The following PKNOX2 variants were observed in gnomAD, a reference collection of about 807,000 sequenced individuals.
PKNOX2 encodes the protein homeobox protein PKNOX2.
In PKNOX2, 14 loss-of-function variants were observed where a neutral mutation model predicts 53.1. The ratio of observed to expected loss-of-function variants is 0.26; its 90% CI spans 0.17 to 0.41. PKNOX2 has a LOEUF of 0.41. PKNOX2 is among the 10% of genes least tolerant of loss of function. The pLI, the probability that PKNOX2 is intolerant of heterozygous loss-of-function variation, is 1.00. For synonymous variants in PKNOX2, 257 were observed against 242.8 expected, an observed-to-expected ratio of 1.06 and a Z score of -0.54; for missense variants, 496 against 602.8, an observed-to-expected ratio of 0.82 and a Z score of 1.85.
intron 1 of PKNOX2, chr11:125,191,253 C>T (rs1197610292): frequency 2.6e-5 from 4 of 152,292 alleles, no homozygotes; most frequent in African/African-American, 9.6e-5. Context: ...AGGCAGGATT[C>T]AAGAACAGAT....
intron 2 of PKNOX2, among the ~76,000 whole-genome samples, chr11:125,262,546 C>A (rs979197987): frequency 6.6e-6 from 1 of 151,900 alleles, no homozygotes; most frequent in Non-Finnish European, 1.5e-5. Context: ...GCAGGAGATG[C>A]CTCCCAGAAA....
chr11:125,186,129 T>C (rs1956436357), intron 1 of PKNOX2, among the ~76,000 whole-genome samples: 1 of 152,246 alleles, frequency 6.6e-6, no homozygotes, highest in East Asian at 1.9e-4. Flanking sequence ...GGTTTGATTT[T>C]CATTTTCCTG....
chr11:125,382,524 A>G (rs1007313237), intron 5 of PKNOX2, among the ~76,000 whole-genome samples: 1 of 152,080 alleles, frequency 6.6e-6, no homozygotes, highest in Non-Finnish European at 1.5e-5. Flanking sequence ...TTCCTAATTG[A>G]TCTAGTGGCT....
intron 7 of PKNOX2, among the ~76,000 whole-genome samples, chr11:125,400,085 G>A (rs1457874542): frequency 2.0e-5 from 3 of 152,208 alleles, no homozygotes; most frequent in Non-Finnish European, 4.4e-5. Flanking sequence ...CTGCCTGGAA[G>A]TGAGGCTGGC....
At chr11:125,215,185 G>A (rs957387204) in intron 1 of PKNOX2, among the ~76,000 whole-genome samples, 2 of 152,072 alleles carry the variant, frequency 1.3e-5, no homozygotes, top group African/African-American at 4.8e-5. Context: ...GCTGCAAGAA[G>A]GCTGTTCTTC....
chr11:125,328,335 G>C (rs894567415), intron 2 of PKNOX2, among the ~76,000 whole-genome samples: 2 of 151,812 alleles, frequency 1.3e-5, no homozygotes, highest in Non-Finnish European at 2.9e-5. Flanking sequence ...GAGAGCGGGG[G>C]AGAGAGAGAG....
At chr11:125,273,053 GC>G in intron 2 of PKNOX2, among the ~76,000 whole-genome samples, 1 of 152,324 alleles carries the variant, frequency 6.6e-6, no homozygotes, top group South Asian at 2.1e-4. Context: ...CAGTCTGCCT[GC>G]CTAAAAGCCC....
chr11:125,288,072 A>C (rs1328260659), intron 2 of PKNOX2: 2 of 152,236 alleles, frequency 1.3e-5, no homozygotes, highest in Non-Finnish European at 2.9e-5. Context: ...CCACCGGAGA[A>C]ATGCTCAGAT....
At position 125,207,567 on chromosome 11, in the gene PKNOX2, C is replaced by G. The variant is rs546058915; in HGVS notation, c.-200-27478C>G. Reference sequence around the variant, plus strand: ...ATCAGGAAAGGGTGGCATTACTGAACCAAAGTAGTAGAAAGCTTGGTGATG... The same window carrying G: ...ATCAGGAAAGGGTGGCATTACTGAAGCAAAGTAGTAGAAAGCTTGGTGATG... On this transcript the variant is annotated intron_variant, in intron 1 of 12. Transcript: ENST00000298282. Among the ~76,000 whole-genome samples the G allele has an allele frequency of 5.3e-5, 8 of 152,068 alleles. No homozygotes were observed. In the East Asian group the frequency reaches 1.5e-3, roughly 29 times the overall value.
At chr11:125,266,157 T>C (rs1161543042) in intron 2 of PKNOX2, among the ~76,000 whole-genome samples, 2 of 152,140 alleles carry the variant, frequency 1.3e-5, no homozygotes, top group African/African-American at 4.8e-5. Context: ...AATGGCTGGC[T>C]TGGAAGAGTA....
Position 125,320,324 on chromosome 11 carries a change from T to C in PKNOX2, c.-129-11495T>C, listed in dbSNP as rs538105377. Among the ~76,000 whole-genome samples, 4 of 152,302 alleles carry C rather than the reference T, an allele frequency of 2.6e-5. No individual in the cohort carries two copies. The South Asian group carries it at 8.3e-4, about 32-fold the overall frequency. On this transcript the variant is annotated intron_variant, in intron 2 of 12. Transcript: ENST00000298282. The stretch of plus-strand genomic sequence containing the variant: ...GAGGTTACGACCACTTTGATCATTA[T>C]AGACCCAGGACTGAGATGTACATGG...
At chr11:125,218,902 C>A (rs754750167) in intron 1 of PKNOX2, among the ~76,000 whole-genome samples, 1 of 152,054 alleles carries the variant, frequency 6.6e-6, no homozygotes, top group East Asian at 1.9e-4. Context: ...CCACAAGCAC[C>A]CAGGTTCTTT....
intron 1 of PKNOX2, among the ~76,000 whole-genome samples, chr11:125,195,996 CT>C (rs1937641225): frequency 1.3e-5 from 2 of 152,136 alleles, no homozygotes; most frequent in Non-Finnish European, 2.9e-5. Context: ...GGCCGGTCCC[CT>C]CCCCCACCAC....
At chr11:125,270,300 G>A (rs556813865) in intron 2 of PKNOX2, among the ~76,000 whole-genome samples, 64 of 152,334 alleles carry the variant, frequency 4.2e-4, no homozygotes, top group African/African-American at 1.4e-3. Context: ...GACTCCAGGT[G>A]TGGTCTTCCC....
At chr11:125,269,623 G>C (rs1209571674) in intron 2 of PKNOX2, among the ~76,000 whole-genome samples, 1 of 152,192 alleles carries the variant, frequency 6.6e-6, no homozygotes, top group Non-Finnish European at 1.5e-5. Flanking sequence ...GCTTTTGGTT[G>C]ATGGATGGAG....
intron 7 of PKNOX2, among the ~76,000 whole-genome samples, chr11:125,400,358 C>T (rs543997125): frequency 1.1e-4 from 17 of 152,276 alleles, no homozygotes; most frequent in Admixed American, 8.5e-4. Context: ...GCTCTCCTGG[C>T]CATCCCTCAG....
chr11:125,244,411 C>T (rs990389142), intron 2 of PKNOX2, among the ~76,000 whole-genome samples: 3 of 152,186 alleles, frequency 2.0e-5, no homozygotes, highest in African/African-American at 7.2e-5. Flanking sequence ...CCCCTTATCC[C>T]CAACCCTTCC....
chr11:125,320,807 G>A (rs1228082221), intron 2 of PKNOX2, among the ~76,000 whole-genome samples: 1 of 152,172 alleles, frequency 6.6e-6, no homozygotes, highest in African/African-American at 2.4e-5. Context: ...GGAGGGAGGT[G>A]GATATGTAAA....
rs114815755 is a variant in PKNOX2 at position 125,197,326 on chromosome 11, G to A, written c.-201+32550G>A. ...CTGCCCAGGCTTAGGGGGTGGCTGA[G>A]CAGTGAACCCAGAGACTGCTGCTTG... On this transcript the variant is annotated intron_variant, in intron 1 of 12. Coordinates refer to ENST00000298282, the MANE Select transcript of PKNOX2 (RefSeq NM_001382323.2). 8.6e-3 allele frequency among the ~76,000 whole-genome samples: 1,314 copies of A among 152,284 alleles called. 15 individuals are homozygous for A. Among genetic ancestry groups the A allele is most frequent in the African/African-American group, 0.029 (1,185 of 41,550 alleles).
Sources: allele counts gnomAD v4.1 joint callset (sites outside exome capture counted in the v4.1 genomes callset), GRCh38; gene constraint gnomAD v4.1.1; transcripts MANE v1.5; gene names NCBI Gene and HGNC (gene_info 2026-07-23, HGNC 2026-07-21).